ARHGAP32: variants seen among roughly 807,000 people sequenced by gnomAD.
ARHGAP32 encodes the protein rho GTPase-activating protein 32.
In ARHGAP32, 51 loss-of-function variants were observed where a neutral mutation model predicts 186.5. The ratio of observed to expected loss-of-function variants is 0.27; its 90% CI spans 0.22 to 0.35. The LOEUF (loss-of-function observed/expected upper bound fraction) is 0.35. Ranked by LOEUF, ARHGAP32 falls within the 10% of genes least tolerant of loss-of-function variation. The pLI is 1.00. For missense variants in ARHGAP32, 2,186 were observed against 2,623.5 expected (o/e 0.83, Z 3.64); for synonymous variants, 950 against 964.3 (o/e 0.99, Z 0.27).
intron 1 of ARHGAP32, among the ~76,000 whole-genome samples, chr11:129,253,808 T>C (rs1945217892): frequency 6.6e-6 from 1 of 152,078 alleles, no homozygotes; most frequent in Non-Finnish European, 1.5e-5. Context: ...TAATATGCAC[T>C]CCATAAAGGT....
intron 10 of ARHGAP32, among the ~76,000 whole-genome samples, chr11:129,051,346 G>A (rs1940033559): frequency 6.6e-6 from 1 of 152,188 alleles, no homozygotes. Context: ...TAACTGGTGT[G>A]GGATGGTATC....
intron 5 of ARHGAP32, among the ~76,000 whole-genome samples, chr11:129,100,879 C>T (rs577282785): frequency 2.6e-5 from 4 of 152,262 alleles, no homozygotes; most frequent in African/African-American, 9.6e-5. Context: ...GTGGTGAATG[C>T]CCATAGGGAG....
intron 6 of ARHGAP32, among the ~76,000 whole-genome samples, chr11:129,074,645 C>T (rs1940979403): frequency 6.6e-6 from 1 of 152,058 alleles, no homozygotes; most frequent in South Asian, 2.1e-4. Flanking sequence ...AAGCACCTGC[C>T]ACCATGCCTG....
At chr11:128,977,917 T>C (rs2136093027) in intron 19 of ARHGAP32, among the ~76,000 whole-genome samples, 1 of 150,724 alleles carries the variant, frequency 6.6e-6, no homozygotes, top group East Asian at 1.9e-4. Flanking sequence ...GGGCCTCACT[T>C]TGTTGCCCAG....
intron 1 of ARHGAP32, among the ~76,000 whole-genome samples, chr11:129,268,320 G>A (rs1208772141): frequency 3.3e-5 from 5 of 152,134 alleles, no homozygotes; most frequent in Non-Finnish European, 7.4e-5. Context: ...AGTCAGAAAT[G>A]CATGGAGTAG....
chr11:129,039,098 T>G (rs1362487049), intron 11 of ARHGAP32, among the ~76,000 whole-genome samples: 1 of 152,000 alleles, frequency 6.6e-6, no homozygotes, highest in African/African-American at 2.4e-5. Flanking sequence ...AAAACAAGTG[T>G]TGACAAGGAT....
intron 5 of ARHGAP32, among the ~76,000 whole-genome samples, chr11:129,106,635 C>A (rs1175679558): frequency 6.6e-6 from 1 of 151,712 alleles, no homozygotes; most frequent in African/African-American, 2.4e-5. Flanking sequence ...CACAATATAC[C>A]CAGGTAATAA....
At chr11:129,106,943 C>G (rs1214081522) in intron 5 of ARHGAP32, among the ~76,000 whole-genome samples, 1 of 151,940 alleles carries the variant, frequency 6.6e-6, no homozygotes, top group Non-Finnish European at 1.5e-5. Flanking sequence ...GAAATCATTC[C>G]AAATTTGATG....
intron 5 of ARHGAP32, among the ~76,000 whole-genome samples, chr11:129,098,664 C>T (rs1263543855): frequency 6.6e-6 from 1 of 152,070 alleles, no homozygotes; most frequent in African/African-American, 2.4e-5. Context: ...CGTGATCCAC[C>T]CGCCTCGGCC....
intron 1 of ARHGAP32, among the ~76,000 whole-genome samples, chr11:129,233,743 G>A (rs919725325): frequency 6.6e-6 from 1 of 151,580 alleles, no homozygotes; most frequent in African/African-American, 2.4e-5. Flanking sequence ...TGTATTACAC[G>A]GAATAAATGA....
intron 11 of ARHGAP32, among the ~76,000 whole-genome samples, chr11:128,998,868 T>C (rs1379668978): frequency 6.6e-6 from 1 of 152,216 alleles, no homozygotes; most frequent in Non-Finnish European, 1.5e-5. Flanking sequence ...TCAATACTCT[T>C]GTGGTTTCCT....
intron 7 of ARHGAP32, among the ~76,000 whole-genome samples, chr11:129,066,324 C>T (rs1219636133): frequency 3.3e-5 from 5 of 152,012 alleles, no homozygotes; most frequent in Admixed American, 6.6e-5. Flanking sequence ...AAATCTTTTA[C>T]GTTTTTACTA....
chr11:129,106,439 G>C (rs1942049242), intron 5 of ARHGAP32, among the ~76,000 whole-genome samples: 1 of 152,096 alleles, frequency 6.6e-6, no homozygotes, highest in Middle Eastern at 3.4e-3. Context: ...CTAAATACCA[G>C]ACGTTCTCAC....
At chr11:128,980,804 T>C in intron 17 of ARHGAP32, 56 bp from the exon 18 acceptor site, 4 of 1,317,412 alleles carry the variant, frequency 3.0e-6, no homozygotes, top group Admixed American at 2.2e-5. Flanking sequence ...TGTATTCAAT[T>C]TGTTAGTATC....
Position 128,970,173 on chromosome 11 carries a change from G to C in ARHGAP32, c.5040C>G (p.Ala1680=). The C allele has an allele frequency of 6.2e-7, 1 of 1,614,202 alleles. No individual in the cohort carries two copies. The change falls in exon 23 of 23, where the codon GCC becomes GCG. Residue 1680 remains alanine (A), a synonymous_variant. Coordinates refer to ENST00000682385, the MANE Select transcript of ARHGAP32 (RefSeq NM_001378024.1). This position sits in a 1 kb window ranked among gnomAD's most constrained non-coding sequence, Gnocchi z 5.8. ...SSSSYYSPDG[A]LCDVDAYGTV... ...TGCCATAGGCATCCACATCACACAG[G>C]GCCCCATCTGGACTGTAATAGGAAC...
intron 11 of ARHGAP32, among the ~76,000 whole-genome samples, chr11:129,027,092 C>A (rs1938890343): frequency 7.1e-6 from 1 of 141,100 alleles, no homozygotes. Context: ...GCGCAAGACT[C>A]TGTCTCAAAA....
At chr11:128,990,156 G>A (rs903434936) in intron 12 of ARHGAP32, among the ~76,000 whole-genome samples, 8 of 152,056 alleles carry the variant, frequency 5.3e-5, no homozygotes, top group Non-Finnish European at 1.2e-4. Context: ...AACGCTCTTC[G>A]TATAGAAAAA....
chr11:129,124,436 T>A (rs1942610230), intron 3 of ARHGAP32, among the ~76,000 whole-genome samples: 1 of 152,126 alleles, frequency 6.6e-6, no homozygotes, highest in African/African-American at 2.4e-5. Context: ...ATCTACTTCA[T>A]GCTCCTCAAA....
chr11:129,257,357 G>A (rs926764933), intron 1 of ARHGAP32, among the ~76,000 whole-genome samples: 5 of 152,050 alleles, frequency 3.3e-5, no homozygotes, highest in Admixed American at 1.3e-4. Context: ...ATTTACCACA[G>A]GAGGAAAATG....
Sources: gnomAD v4.1 joint callset for allele counts (sites outside exome capture counted in the v4.1 genomes callset) on GRCh38, gnomAD v4.1.1 for gene constraint, Gnocchi (gnomAD v3.1) non-coding constraint, MANE v1.5 for transcripts, NCBI Gene and HGNC (gene_info 2026-07-23, HGNC 2026-07-21) for gene names.